DPYD: variants seen among roughly 807,000 people sequenced by gnomAD.
The protein encoded by DPYD is dihydropyrimidine dehydrogenase [NADP(+)].
Under a neutral mutation model 116.2 loss-of-function variants are expected in DPYD, and 109 were observed. The ratio of observed to expected loss-of-function variants is 0.94; its 90% CI spans 0.80 to 1.10. The LOEUF (loss-of-function observed/expected upper bound fraction) is 1.10. Among genes scored for constraint, DPYD ranks in the 50% least tolerant of loss-of-function variants. The probability of loss-of-function intolerance (pLI) is 0.00; values close to 1 mark genes in which losing one functional copy is unlikely to be tolerated. For synonymous variants in DPYD, 440 were observed against 432.0 expected (o/e 1.02, Z -0.23); for missense variants, 1,302 against 1,254.5 (o/e 1.04, Z -0.57).
intron 10 of DPYD, among the ~76,000 whole-genome samples, chr1:97,581,775 C>T (rs1237414694): frequency 6.9e-6 from 1 of 144,708 alleles, no homozygotes; most frequent in African/African-American, 2.6e-5. Context: ...AAAGAAAGGA[C>T]AGCATGGAAA....
chr1:97,761,117 T>G (rs904555779), intron 3 of DPYD, among the ~76,000 whole-genome samples: 1 of 152,022 alleles, frequency 6.6e-6, no homozygotes, highest in Non-Finnish European at 1.5e-5. Flanking sequence ...TAAGACATGG[T>G]TCTACATCAG....
chr1:97,574,238 A>G (rs1328948935), intron 10 of DPYD, among the ~76,000 whole-genome samples: 2 of 152,044 alleles, frequency 1.3e-5, no homozygotes, highest in Non-Finnish European at 2.9e-5. Flanking sequence ...CATGCTCTAC[A>G]TTTGGTAGTT....
intron 20 of DPYD, among the ~76,000 whole-genome samples, chr1:97,153,837 A>T (rs961433273): frequency 6.6e-6 from 1 of 152,164 alleles, no homozygotes; most frequent in African/African-American, 2.4e-5. Flanking sequence ...AAGTGGGCTA[A>T]GGACATGAAA....
chr1:97,420,096 G>A (rs1024005022), intron 14 of DPYD: 4 of 143,160 alleles, frequency 2.8e-5, no homozygotes, highest in African/African-American at 1.0e-4. Flanking sequence ...TAAGACCAGA[G>A]CCTGGCAAAA....
intron 2 of DPYD, among the ~76,000 whole-genome samples, chr1:97,861,928 A>G (rs779384369): frequency 6.6e-6 from 1 of 152,020 alleles, no homozygotes; most frequent in Non-Finnish European, 1.5e-5. Context: ...TCTTTTCCAC[A>G]TATGTACCAG....
At chr1:97,149,544 C>T (rs549728295) in intron 20 of DPYD, among the ~76,000 whole-genome samples, 2 of 152,314 alleles carry the variant, frequency 1.3e-5, no homozygotes, top group South Asian at 4.1e-4. Context: ...TGACTCACCG[C>T]GTCCAGCTGA....
chr1:97,825,698 C>A (rs1398015817), intron 3 of DPYD, among the ~76,000 whole-genome samples: 2 of 151,524 alleles, frequency 1.3e-5, no homozygotes, highest in Non-Finnish European at 2.9e-5. Flanking sequence ...GTGCAGCACA[C>A]CAACATGGCG....
rs1428408134 is a variant in DPYD at position 97,681,175 on chromosome 1, G to A, written c.763-1993C>T. 4.6e-5 allele frequency among the ~76,000 whole-genome samples: 7 copies of A among 152,236 alleles called. No individual in the cohort carries two copies. In the South Asian group the frequency reaches 6.2e-4, roughly 14 times the overall value. ...GATAATGATACTAAAGGACAAGAGA[G>A]CTTACATAACCTTTATTGCAGTCAA... On this transcript the variant is annotated intron_variant, in intron 7 of 22. Coordinates refer to ENST00000370192, the MANE Select transcript of DPYD (RefSeq NM_000110.4).
At position 97,137,101 on chromosome 1, in the gene DPYD, C is replaced by A. The variant is rs201196223; in HGVS notation, c.2623-38469G>T. 2.0e-5 allele frequency among the ~76,000 whole-genome samples: 3 copies of A among 152,300 alleles called. No homozygotes were observed. In the South Asian group the frequency reaches 6.2e-4, roughly 32 times the overall value. On this transcript the variant is annotated intron_variant, in intron 20 of 22. Transcript: ENST00000370192. ...AATCTGAACCAGGTTTATTGTTCAT[C>A]GGCTGGTGCTGTGGTACTGTGCCGT...
chr1:97,651,225 G>A (rs1188717080), intron 8 of DPYD, among the ~76,000 whole-genome samples: 2 of 152,090 alleles, frequency 1.3e-5, no homozygotes, highest in Non-Finnish European at 2.9e-5. Context: ...TTGGATGATA[G>A]ATGCAAGAAT....
At chr1:97,232,657 G>A (rs1267930611) in intron 19 of DPYD, among the ~76,000 whole-genome samples, 1 of 151,686 alleles carries the variant, frequency 6.6e-6, no homozygotes, top group Non-Finnish European at 1.5e-5. Context: ...CTATCTTCTA[G>A]TTCACTGATT....
chr1:97,680,425 G>C (rs1408494566), intron 7 of DPYD, among the ~76,000 whole-genome samples: 3 of 152,084 alleles, frequency 2.0e-5, no homozygotes, highest in African/African-American at 7.2e-5. Flanking sequence ...CTAAAGAGTA[G>C]TCCTGATTGC....
At chr1:97,462,275 A>G (rs1677073429) in intron 13 of DPYD, among the ~76,000 whole-genome samples, 1 of 152,250 alleles carries the variant, frequency 6.6e-6, no homozygotes. Context: ...TTTGTTAGTT[A>G]GTTCAAACCC....
At chr1:97,504,623 G>C (rs1274885882) in intron 13 of DPYD, among the ~76,000 whole-genome samples, 1 of 151,906 alleles carries the variant, frequency 6.6e-6, no homozygotes, top group African/African-American at 2.4e-5. Context: ...GTACCCATTA[G>C]ATAAACGTTA....
At chr1:97,802,641 T>A (rs762965747) in intron 3 of DPYD, among the ~76,000 whole-genome samples, 11 of 151,942 alleles carry the variant, frequency 7.2e-5, no homozygotes, top group Non-Finnish European at 1.5e-4. Context: ...CACCTGACTT[T>A]TGAGATCTTA....
chr1:97,731,963 CCACA>C (rs1326146919), intron 4 of DPYD, among the ~76,000 whole-genome samples: 1 of 151,884 alleles, frequency 6.6e-6, no homozygotes, highest in Non-Finnish European at 1.5e-5. Flanking sequence ...CTATACACAA[CCACA>C]AACAATATGA....
intron 13 of DPYD, among the ~76,000 whole-genome samples, chr1:97,503,811 A>G (rs1679731007): frequency 6.6e-6 from 1 of 152,020 alleles, no homozygotes; most frequent in South Asian, 2.1e-4. Context: ...AAATCTCTAT[A>G]TGCAAATAGT....
intron 1 of DPYD, among the ~76,000 whole-genome samples, chr1:97,888,796 A>C (rs1160882494): frequency 6.6e-6 from 1 of 152,144 alleles, no homozygotes; most frequent in Non-Finnish European, 1.5e-5. Context: ...CTTTCAAAAA[A>C]TACATTCCCA....
At chr1:97,898,634 C>T (rs558453441) in intron 1 of DPYD, among the ~76,000 whole-genome samples, 1 of 151,968 alleles carries the variant, frequency 6.6e-6, no homozygotes, top group Non-Finnish European at 1.5e-5. Context: ...CTGAGTTGCT[C>T]AAATCCTGAG....
Sources: gnomAD v4.1 joint callset for allele counts (sites outside exome capture counted in the v4.1 genomes callset) on GRCh38, gnomAD v4.1.1 for gene constraint, MANE v1.5 for transcripts, NCBI Gene and HGNC (gene_info 2026-07-23, HGNC 2026-07-21) for gene names.